ZFTRAF1: variants seen among roughly 807,000 people sequenced by gnomAD.
ZFTRAF1 encodes the protein zinc finger TRAF-type-containing protein 1.
the ZFTRAF1 span, chr8:144,453,931 C>G: frequency 5.4e-4 from 90 of 165,666 alleles, 1 homozygote; most frequent in Non-Finnish European, 1.0e-3. Context: ...GCCATTTATC[C>G]TGGGTTGAGA....
the ZFTRAF1 span, among the ~76,000 whole-genome samples, chr8:144,460,262 G>A: frequency 1.1e-4 from 16 of 152,364 alleles, no homozygotes; most frequent in African/African-American, 3.6e-4. Context: ...CAGCCCCAGC[G>A]CCTTCGGTCT....
the ZFTRAF1 span, chr8:144,453,395 C>G: frequency 6.4e-7 from 1 of 1,551,214 alleles, no homozygotes; most frequent in Non-Finnish European, 8.7e-7. Context: ...CCTGCTCCTC[C>G]TTCAGCCGGG....
chr8:144,450,997 G>A, the ZFTRAF1 span: 1 of 551,398 alleles, frequency 1.8e-6, no homozygotes, highest in South Asian at 2.3e-5. Flanking sequence ...TGGATTAGCT[G>A]GAGAGTCCAG....
the ZFTRAF1 span, chr8:144,454,929 AC>A: frequency 2.0e-5 from 3 of 152,302 alleles, no homozygotes; most frequent in Admixed American, 2.0e-4. Flanking sequence ...CATGTGGAGA[AC>A]CGACAGTGAG....
At chr8:144,452,587 C>T in the ZFTRAF1 span, 2 of 1,533,342 alleles carry the variant, frequency 1.3e-6, no homozygotes, top group African/African-American at 1.4e-5. Context: ...GAGGCAGGTA[C>T]ATCACTCACA....
the ZFTRAF1 span, chr8:144,454,062 G>A: frequency 1.3e-5 from 2 of 153,462 alleles, no homozygotes; most frequent in African/African-American, 4.8e-5. Context: ...CCCAGGACAA[G>A]GACAAGGGCA....
chr8:144,453,017 G>A, the ZFTRAF1 span, among the ~76,000 whole-genome samples: 19 of 152,226 alleles, frequency 1.2e-4, no homozygotes, highest in East Asian at 3.9e-4. Context: ...GCTCATGTCC[G>A]GATAACAACT....
At chr8:144,452,429 G>A in the ZFTRAF1 span, 1 of 1,549,990 alleles carries the variant, frequency 6.5e-7, no homozygotes, top group Non-Finnish European at 8.7e-7. Context: ...CCTTGCGGTG[G>A]CTCTGGTCCA....
At chr8:144,455,107 G>A in the ZFTRAF1 span, 1 of 152,334 alleles carries the variant, frequency 6.6e-6, no homozygotes, top group East Asian at 1.9e-4. Context: ...CTGAGGTTAG[G>A]AGTTCATGAC....
At chr8:144,452,625 C>G in the ZFTRAF1 span, 1 of 1,491,112 alleles carries the variant, frequency 6.7e-7, no homozygotes, top group Non-Finnish European at 9.0e-7. Context: ...GAGGCTGCAA[C>G]AAGCTGTCCT....
the ZFTRAF1 span, chr8:144,452,337 A>G: frequency 6.5e-7 from 1 of 1,546,250 alleles, no homozygotes; most frequent in South Asian, 1.2e-5. Context: ...TGTGGCATGC[A>G]GCAGGCGGCG....
the ZFTRAF1 span, chr8:144,455,844 G>A: frequency 6.6e-6 from 1 of 152,346 alleles, no homozygotes; most frequent in Non-Finnish European, 1.5e-5. Context: ...GGAGCACTGA[G>A]GCTGCCAAGC....
At chr8:144,453,266 G>A in the ZFTRAF1 span, 8 of 1,551,044 alleles carry the variant, frequency 5.2e-6, no homozygotes, top group East Asian at 9.8e-5. Flanking sequence ...GGAGGGAGCG[G>A]GGAAACTGGC....
the ZFTRAF1 span, chr8:144,450,844 C>A: frequency 1.9e-3 from 1,167 of 626,476 alleles, 14 homozygotes; most frequent in East Asian, 0.018. Flanking sequence ...CCTTCCCTGA[C>A]CAGGCCGAGG....
the ZFTRAF1 span, among the ~76,000 whole-genome samples, chr8:144,461,666 T>A: frequency 4.6e-5 from 7 of 152,250 alleles, no homozygotes; most frequent in African/African-American, 1.7e-4. Context: ...ACCCAAACTG[T>A]GGGGCTTGTT....
At chr8:144,450,688 C>T in the ZFTRAF1 span, 1 of 717,836 alleles carries the variant, frequency 1.4e-6, no homozygotes, top group East Asian at 2.7e-5. Context: ...GGACCCACGT[C>T]TGGTTCAGCA....
the ZFTRAF1 span, among the ~76,000 whole-genome samples, chr8:144,458,367 C>T: frequency 0.012 from 1,775 of 152,336 alleles, 29 homozygotes; most frequent in African/African-American, 0.036. Flanking sequence ...GAACATCTTC[C>T]TTGCTCCTGT....
the ZFTRAF1 span, among the ~76,000 whole-genome samples, chr8:144,461,755 A>G: frequency 6.6e-6 from 1 of 152,168 alleles, no homozygotes; most frequent in Non-Finnish European, 1.5e-5. Context: ...ACCAAGAGAA[A>G]GGATTCTTCC....
At chr8:144,461,990 A>G in the ZFTRAF1 span, among the ~76,000 whole-genome samples, 148,680 of 152,212 alleles carry the variant, frequency 0.98, 72,726 homozygotes, top group Middle Eastern at 1. Context: ...GTCTAGAAAA[A>G]AGAAGGGAGA....
Sources: gnomAD v4.1 joint callset for allele counts (sites outside exome capture counted in the v4.1 genomes callset) on GRCh38, gnomAD v4.1.1 for gene constraint, MANE v1.5 for transcripts, NCBI Gene and HGNC (gene_info 2026-07-23, HGNC 2026-07-21) for gene names.